Variants in EXTL1 observed in about 807,000 individuals in gnomAD.
EXTL1 encodes exostosin like glycosyltransferase 1.
In EXTL1, 43 loss-of-function variants were observed where a neutral mutation model predicts 64.6. The observed-to-expected ratio is 0.67, with a 90% CI of 0.52 to 0.86. EXTL1 has a LOEUF of 0.86. Ranked by LOEUF, EXTL1 falls within the 40% of genes least tolerant of loss-of-function variation. EXTL1 has a pLI of 0.00. For synonymous variants in EXTL1, 352 were observed against 360.5 expected, an observed-to-expected ratio of 0.98 and a Z score of 0.27; for missense variants, 766 against 879.0, an observed-to-expected ratio of 0.87 and a Z score of 1.62.
Position 26,023,203 on chromosome 1 carries a change from C to T in EXTL1, c.557C>T (p.Thr186Met), listed in dbSNP as rs760157945. The change falls in exon 1 of 11, where the codon ACG becomes ATG. Residue 186 changes from threonine to methionine, a missense_variant. By Grantham distance (81) the Thr-to-Met change is moderately conservative (BLOSUM62 -1). Transcript: ENST00000374280. ...GCTATGGTGGCTGAGGCCAGCCCCA[C>T]GGTGGACTCCTTCCGGCCCGGCTTT... ...GQAMVAEASPTVDSFRPGFDV... is the reference protein window; with the variant it reads ...GQAMVAEASPMVDSFRPGFDV... 9 of 1,612,622 alleles carry T rather than the reference C, an allele frequency of 5.6e-6. No individual in the cohort carries two copies. The highest frequency in any genetic ancestry group is 2.2e-5 in the South Asian group (2 of 90,992).
Position 26,027,907 on chromosome 1 carries a change from C to T in EXTL1, c.780-1286C>T, listed in dbSNP as rs543007608. On this transcript the variant is annotated intron_variant, in intron 1 of 10. Coordinates refer to ENST00000374280, the MANE Select transcript of EXTL1 (RefSeq NM_004455.3). ...GACAAGGCAGGGAGGGGCCCTCCAA[C>T]GTGAGGGAGAAGGGATCTTAAAGGC... 3.4e-4 allele frequency among the ~76,000 whole-genome samples: 51 copies of T among 152,154 alleles called. No individual in the cohort carries two copies. The South Asian group carries it at 0.01, about 31-fold the overall frequency.
chr1:26,022,932 C>A lies in EXTL1; in HGVS notation c.286C>A (p.Leu96Ile), dbSNP rs1320486742. Residue 96 changes from leucine (L) to isoleucine (I), a missense_variant, in exon 1 of 11, where the codon CTT (leucine) becomes ATT (isoleucine). Coordinates refer to ENST00000374280, the MANE Select transcript of EXTL1 (RefSeq NM_004455.3). ...FDTSKCRGDG[L>I]KVFVYPAVGT... ...TACCTCAAAGTGCAGGGGCGATGGC[C>A]TTAAGGTATTCGTGTACCCAGCGGT... is the stretch of plus-strand genomic sequence containing the variant. 6.2e-7 allele frequency: 1 copy of A among 1,614,166 alleles called. No homozygotes were observed. Among genetic ancestry groups the A allele is most frequent in the South Asian group, 1.1e-5 (1 of 91,080 alleles).
intron 4 of EXTL1, among the ~76,000 whole-genome samples, 168 bp from the exon 5 acceptor site, chr1:26,030,964 C>CCTCTGGAG (rs2050278471): frequency 6.6e-6 from 1 of 152,174 alleles, no homozygotes; most frequent in Admixed American, 6.5e-5. Context: ...GACCCTGCCA[C>CCTCTGGAG]CATCTCCCAC....
rs987666993 is a variant in EXTL1, at chr1:26,033,626, C to T, written c.1519-70C>T. The T allele has an allele frequency of 5.8e-5, 89 of 1,526,462 alleles. No individual in the cohort carries two copies. The highest frequency in any genetic ancestry group is 7.2e-5 in the Non-Finnish European group (80 of 1,115,416). The allele number at this position is 1,526,462 out of a possible 1,614,324, so 94.6% of individuals were successfully genotyped here. ...GGGCCCCTCAGCCAGGCTGCCCCTG[C>T]CTCCATTTCCCTGGATGTTCTAGGC... On this transcript the variant is annotated intron_variant, in intron 8 of 10. Coordinates refer to ENST00000374280, the MANE Select transcript of EXTL1 (RefSeq NM_004455.3). The surrounding 1 kb of genome is among the most constrained non-coding windows in gnomAD (Gnocchi z 5.1).
Position 26,031,166 on chromosome 1 carries a change from A to G in EXTL1, c.1136A>G (p.His379Arg), listed in dbSNP as rs1267914420. The change falls in exon 5 of 11, where the codon CAC (histidine) becomes CGC (arginine). Residue 379 changes from histidine to arginine, a missense_variant. Physicochemically the swap from His to Arg is conservative, Grantham distance 29. Around this residue, in one of 3 missense-constraint regions of EXTL1, gnomAD observed 571 missense variants for 647.6 expected, o/e 0.88. Coordinates refer to ENST00000374280, the MANE Select transcript of EXTL1 (RefSeq NM_004455.3). ...IQDRIFGTSA[H>R]PSLLWNSPPG... ...GACCGGATTTTTGGAACATCAGCTC[A>G]CCCCTCACTGCTGTGGAACAGCCCC... 37 of 1,613,616 alleles carry G rather than the reference A, an allele frequency of 2.3e-5. No homozygotes were observed. The highest frequency in any genetic ancestry group is 2.7e-5 in the Non-Finnish European group (32 of 1,179,898).
In EXTL1 at chr1:26,035,985, G is replaced by C. The variant is rs1328176743; in HGVS notation, c.*638G>C. Reference sequence around the variant, plus strand: ...TACCCAAAGACGCCTGGGTTGTCAGGCTCAATCCTTGAGCCTCAACCAAGG... The same window carrying C: ...TACCCAAAGACGCCTGGGTTGTCAGCCTCAATCCTTGAGCCTCAACCAAGG... On this transcript the variant is annotated 3_prime_UTR_variant, in exon 11 of 11. Transcript: ENST00000374280. This position sits in a 1 kb window ranked among gnomAD's most constrained non-coding sequence, Gnocchi z 5.3. 1 of 152,674 alleles carries C rather than the reference G, an allele frequency of 6.5e-6. No homozygotes were observed. The highest frequency in any genetic ancestry group is 1.5e-5 in the Non-Finnish European group (1 of 68,080). 9.5% of individuals were successfully genotyped at this position (152,674 alleles called of 1,614,324 possible). A position where few individuals can be genotyped will look rare whatever the true frequency, so the allele number is the denominator to read the frequency against.
chr1:26,035,277 T>C lies in EXTL1; in HGVS notation c.1961T>C (p.Leu654Pro). The change falls in exon 11 of 11, where the codon CTG (leucine) becomes CCG (proline). Residue 654 changes from leucine (L) to proline (P), a missense_variant. By Grantham distance (98) the Leu-to-Pro change is moderately conservative (BLOSUM62 -3). Transcript: ENST00000374280. The surrounding 1 kb of genome is among the most constrained non-coding windows in gnomAD (Gnocchi z 5.3). ...HMPLLSSRLR[L>P]DPVLFKDPVS... The stretch of plus-strand genomic sequence containing the variant: ...CCCTTGCTGTCCTCTCGTCTGCGTC[T>C]GGACCCGGTGCTGTTTAAGGACCCG... The C allele has an allele frequency of 6.2e-7, 1 of 1,613,644 alleles. No individual in the cohort carries two copies. The highest frequency in any genetic ancestry group is 1.3e-5 in the African/African-American group (1 of 75,068).
rs1331160339 is a variant in EXTL1, at chr1:26,033,350, T to G, written c.1518+35T>G. 6.3e-7 allele frequency: 1 copy of G among 1,575,646 alleles called. No homozygotes were observed. Among genetic ancestry groups the G allele is most frequent in the Admixed American group, 1.7e-5 (1 of 59,912 alleles). ...GGGCCCAAGAGAAGCCCAGTGTGGG[T>G]AGACACAGAGCCAGAGGGCCCTGGC... is the stretch of plus-strand genomic sequence containing the variant. On this transcript the variant is annotated intron_variant, in intron 8 of 10. Transcript: ENST00000374280. The surrounding 1 kb of genome is among the most constrained non-coding windows in gnomAD (Gnocchi z 5.1).
At chr1:26,024,842 G>A (rs1440176716) in intron 1 of EXTL1, among the ~76,000 whole-genome samples, 1 of 152,194 alleles carries the variant, frequency 6.6e-6, no homozygotes, top group African/African-American at 2.4e-5. Context: ...TTACCGCTAA[G>A]CACAGTTCAT....
chr1:26,026,695 A>C (rs535252909), intron 1 of EXTL1, among the ~76,000 whole-genome samples: 1 of 152,204 alleles, frequency 6.6e-6, no homozygotes, highest in Non-Finnish European at 1.5e-5. Flanking sequence ...CAAAGTGCCT[A>C]GTAGGGCACA....
chr1:26,029,126 G>A, intron 1 of EXTL1, 67 bp from the exon 2 acceptor site: 5 of 1,203,712 alleles, frequency 4.2e-6, no homozygotes, highest in Non-Finnish European at 6.1e-6. Context: ...CCCATTGAGG[G>A]AGCCCAGGGG....
chr1:26,034,467 G>A lies in EXTL1; in HGVS notation c.1680-369G>A, dbSNP rs563279934. Among the ~76,000 whole-genome samples the A allele has an allele frequency of 5.9e-5, 9 of 152,326 alleles. No homozygotes were observed. The highest frequency in any genetic ancestry group is 1.2e-4 in the Non-Finnish European group (8 of 68,026). On this transcript the variant is annotated intron_variant, in intron 9 of 10. Transcript: ENST00000374280. This position sits in a 1 kb window ranked among gnomAD's most constrained non-coding sequence, Gnocchi z 4.6. ...CCTGTCTGAGGGCCGTGTGAAGTGA[G>A]CTCACCCGGAGCGGTATCAGCCTGG...
At position 26,035,385 on chromosome 1, in the gene EXTL1, C is replaced by T. The variant is rs1282990583; in HGVS notation, c.*38C>T. On this transcript the variant is annotated 3_prime_UTR_variant, in exon 11 of 11. Transcript: ENST00000374280. The surrounding 1 kb of genome is among the most constrained non-coding windows in gnomAD (Gnocchi z 5.3). Reference sequence around the variant, plus strand: ...CGGAGACCCCAGCAGAGGTCGCAGCCCAGCTCCCAGGGGGCCCGGCGCCTG... The same window carrying T: ...CGGAGACCCCAGCAGAGGTCGCAGCTCAGCTCCCAGGGGGCCCGGCGCCTG... The T allele has an allele frequency of 2.6e-6, 4 of 1,547,266 alleles. No individual in the cohort carries two copies. The highest frequency in any genetic ancestry group is 3.5e-6 in the Non-Finnish European group (4 of 1,141,816).
At chr1:26,032,026 T>G in intron 6 of EXTL1, 1 of 235,780 alleles carries the variant, frequency 4.2e-6, no homozygotes. Flanking sequence ...ACAGGAAGGC[T>G]CCAAACAGGC....
At chr1:26,029,391 C>T (rs1036991806) in intron 2 of EXTL1, 105 bp downstream of exon 2, 1 of 905,056 alleles carries the variant, frequency 1.1e-6, no homozygotes, top group Admixed American at 1.8e-5. Context: ...AAGCTGCCTG[C>T]TCCTTTACTC....
At chr1:26,031,310 C>G in intron 5 of EXTL1, 46 bp downstream of exon 5, 1 of 1,596,086 alleles carries the variant, frequency 6.3e-7, no homozygotes, top group Non-Finnish European at 8.5e-7. Flanking sequence ...CAGCTCTACC[C>G]AGGGCTGCCC....
intron 7 of EXTL1, among the ~76,000 whole-genome samples, chr1:26,032,731 A>T (rs1343830): frequency 0.062 from 9,441 of 152,246 alleles, 775 homozygotes; most frequent in African/African-American, 0.18. Context: ...ACATCTCAGA[A>T]GAGGAACAGA....
Position 26,025,742 on chromosome 1 carries a change from C to A in EXTL1, c.779+2317C>A, listed in dbSNP as rs188441616. 6.6e-6 allele frequency among the ~76,000 whole-genome samples: 1 copy of A among 152,304 alleles called. No individual in the cohort carries two copies. The highest frequency in any genetic ancestry group is 1.9e-4 in the East Asian group (1 of 5,186). ...CCTTCTATCCCTGTCTCTCGGCCAC[C>A]CGGTTTTCCTGCCTGGAGCCAAACA... On this transcript the variant is annotated intron_variant, in intron 1 of 10. Coordinates refer to ENST00000374280, the MANE Select transcript of EXTL1 (RefSeq NM_004455.3). This position sits in a 1 kb window ranked among gnomAD's most constrained non-coding sequence, Gnocchi z 5.3.
chr1:26,023,929 TGA>T (rs2050185054), intron 1 of EXTL1, among the ~76,000 whole-genome samples: 1 of 152,252 alleles, frequency 6.6e-6, no homozygotes, highest in Non-Finnish European at 1.5e-5. Context: ...ATGAGAATTC[TGA>T]GTTTTAAGTA....
Sources: gnomAD v4.1 joint callset for allele counts (sites outside exome capture counted in the v4.1 genomes callset) on GRCh38, gnomAD v4.1.1 for gene constraint, gnomAD v4.1.1 regional missense constraint, Gnocchi (gnomAD v3.1) non-coding constraint, MANE v1.5 for transcripts, NCBI Gene and HGNC (gene_info 2026-07-23, HGNC 2026-07-21) for gene names.